The following AFG2A variants were observed in gnomAD, a reference collection of about 807,000 sequenced individuals.
AFG2A encodes ATPase family gene 2 protein homolog A.
the AFG2A span, among the ~76,000 whole-genome samples, chr4:123,167,379 G>T: frequency 6.6e-6 from 1 of 151,570 alleles, no homozygotes; most frequent in African/African-American, 2.4e-5. Flanking sequence ...ACGGAGTCTC[G>T]CTCTGTTGCC....
At chr4:123,291,826 A>G in the AFG2A span, among the ~76,000 whole-genome samples, 9 of 152,234 alleles carry the variant, frequency 5.9e-5, no homozygotes, top group Admixed American at 3.3e-4. Context: ...GACGTTAGAT[A>G]GCCTGATGAA....
At chr4:123,044,657 C>T in the AFG2A span, among the ~76,000 whole-genome samples, 4 of 152,210 alleles carry the variant, frequency 2.6e-5, no homozygotes, top group African/African-American at 9.6e-5. Context: ...TAACTGAAAT[C>T]CATGCATAAT....
chr4:123,180,932 G>A, the AFG2A span, among the ~76,000 whole-genome samples: 1 of 150,734 alleles, frequency 6.6e-6, no homozygotes, highest in Non-Finnish European at 1.5e-5. Context: ...AATCTCTGTG[G>A]AATCTCCTCT....
the AFG2A span, among the ~76,000 whole-genome samples, chr4:123,021,258 CTTTT>C: frequency 2.8e-5 from 4 of 143,412 alleles, no homozygotes; most frequent in East Asian, 8.1e-4. Context: ...ACTCTTTGAG[CTTTT>C]TTTTTTTCTT....
the AFG2A span, among the ~76,000 whole-genome samples, chr4:122,982,872 T>G: frequency 1.4e-5 from 2 of 140,412 alleles, no homozygotes; most frequent in Non-Finnish European, 3.1e-5. Flanking sequence ...TTCTTTTTTT[T>G]TTTTTTTTTT....
chr4:122,925,447 A>G, the AFG2A span, among the ~76,000 whole-genome samples: 1 of 152,028 alleles, frequency 6.6e-6, no homozygotes, highest in Non-Finnish European at 1.5e-5. Context: ...GATGCAGCCT[A>G]TTGCACTATT....
the AFG2A span, among the ~76,000 whole-genome samples, chr4:123,075,620 AGT>A: frequency 2.0e-5 from 3 of 152,066 alleles, no homozygotes. Flanking sequence ...AGAAAGGGAT[AGT>A]GTGTCAGTGA....
chr4:123,138,916 T>A, the AFG2A span, among the ~76,000 whole-genome samples: 1 of 152,004 alleles, frequency 6.6e-6, no homozygotes, highest in Non-Finnish European at 1.5e-5. Flanking sequence ...GTATAAAATA[T>A]ATGTATATCA....
At chr4:122,979,934 C>A in the AFG2A span, among the ~76,000 whole-genome samples, 1 of 152,104 alleles carries the variant, frequency 6.6e-6, no homozygotes, top group Non-Finnish European at 1.5e-5. Context: ...AACTATATTA[C>A]AATACTAAAA....
At chr4:123,218,377 T>C in the AFG2A span, among the ~76,000 whole-genome samples, 1 of 152,180 alleles carries the variant, frequency 6.6e-6, no homozygotes, top group Admixed American at 6.6e-5. Context: ...GTGTTTTGTT[T>C]GGAAAAGTTA....
chr4:122,969,232 A>T, the AFG2A span, among the ~76,000 whole-genome samples: 1 of 151,810 alleles, frequency 6.6e-6, no homozygotes, highest in Admixed American at 6.6e-5. Flanking sequence ...TGTTAGGTAT[A>T]TTTTCTCTTA....
chr4:123,167,171 ATATAAG>A, the AFG2A span, among the ~76,000 whole-genome samples: 46 of 148,738 alleles, frequency 3.1e-4, no homozygotes, highest in Middle Eastern at 3.6e-3. Flanking sequence ...CTTATAGTAT[ATATAAG>A]TATATCATTA....
At chr4:123,229,714 G>A in the AFG2A span, among the ~76,000 whole-genome samples, 102 of 151,980 alleles carry the variant, frequency 6.7e-4, no homozygotes, top group Non-Finnish European at 1.3e-3. Context: ...TGGAAATATC[G>A]CAAGTTTTGA....
the AFG2A span, among the ~76,000 whole-genome samples, chr4:123,312,713 G>A: frequency 6.5e-4 from 99 of 152,234 alleles, no homozygotes; most frequent in Non-Finnish European, 1.2e-3. Context: ...ACATTAACAT[G>A]CATAACCACT....
the AFG2A span, among the ~76,000 whole-genome samples, chr4:123,235,193 A>T: frequency 6.6e-6 from 1 of 152,186 alleles, no homozygotes; most frequent in African/African-American, 2.4e-5. Context: ...CTAAATATGC[A>T]TGCACATACC....
the AFG2A span, among the ~76,000 whole-genome samples, chr4:123,031,356 T>C: frequency 6.6e-6 from 1 of 152,162 alleles, no homozygotes; most frequent in Non-Finnish European, 1.5e-5. Context: ...TTTCACCATG[T>C]TGCCCAGGCT....
the AFG2A span, among the ~76,000 whole-genome samples, chr4:122,978,642 A>G: frequency 2.0e-5 from 3 of 152,196 alleles, no homozygotes; most frequent in South Asian, 4.2e-4. Flanking sequence ...GCTGCCATCA[A>G]TCATGTCGTC....
chr4:123,216,839 T>TG, the AFG2A span, among the ~76,000 whole-genome samples: 748 of 152,078 alleles, frequency 4.9e-3, 11 homozygotes, highest in African/African-American at 0.017. Flanking sequence ...AAATTTTTTT[T>TG]GTAGAGGTGG....
At chr4:123,072,190 A>G in the AFG2A span, among the ~76,000 whole-genome samples, 2 of 152,202 alleles carry the variant, frequency 1.3e-5, no homozygotes, top group African/African-American at 4.8e-5. Flanking sequence ...CCCTCACAGC[A>G]GTATTTACCT....
Sources: gnomAD v4.1 joint callset for allele counts (sites outside exome capture counted in the v4.1 genomes callset) on GRCh38, gnomAD v4.1.1 for gene constraint, MANE v1.5 for transcripts, NCBI Gene and HGNC (gene_info 2026-07-23, HGNC 2026-07-21) for gene names.